The following AIM2 variants were observed in gnomAD, a reference collection of about 807,000 sequenced individuals.
AIM2 encodes interferon-inducible protein AIM2.
Under a neutral mutation model 27.7 loss-of-function variants are expected in AIM2, and 30 were observed. That is an observed-to-expected ratio of 1.08 (90% confidence interval 0.81 to 1.47). AIM2 has a LOEUF of 1.47. Ranked by LOEUF, AIM2 falls within the 40% of genes most tolerant of loss-of-function variation. AIM2 has a pLI of 0.00. For missense variants in AIM2, 358 were observed against 411.3 expected (o/e 0.87, Z 1.12); for synonymous variants, 141 against 145.3 (o/e 0.97, Z 0.21).
At chr1:159,062,224 A>G (rs540179368), downstream of AIM2, among the ~76,000 whole-genome samples, 1 of 152,154 alleles carries the variant, frequency 6.6e-6, no homozygotes. Flanking sequence ...TACCTTTTAA[A>G]ATATTTCTAA....
intron 1 of AIM2, among the ~76,000 whole-genome samples, chr1:159,120,793 G>C (rs573865617): frequency 6.6e-6 from 1 of 152,252 alleles, no homozygotes; most frequent in African/African-American, 2.4e-5. Context: ...TCTAGAGAAG[G>C]CTGAAGGAGT....
chr1:159,079,150 G>T (rs952053592), upstream of AIM2, among the ~76,000 whole-genome samples: 1 of 151,600 alleles, frequency 6.6e-6, no homozygotes, highest in African/African-American at 2.4e-5. Context: ...GGTAGAAGAA[G>T]AAATATATAT....
chr1:159,059,250 T>TAC (rs60746494), downstream of AIM2, among the ~76,000 whole-genome samples: 81 of 151,626 alleles, frequency 5.3e-4, 1 homozygote, highest in African/African-American at 8.7e-4. Flanking sequence ...GCTATTCTTA[T>TAC]ACACACACAC....
At chr1:159,077,538 G>C (rs1191098794), upstream of AIM2, among the ~76,000 whole-genome samples, 1 of 152,210 alleles carries the variant, frequency 6.6e-6, no homozygotes, top group Non-Finnish European at 1.5e-5. Flanking sequence ...ATTCTCATCT[G>C]TGCCTAAGTA....
At chr1:159,065,527 T>G (rs1242185010) in intron 4 of AIM2, among the ~76,000 whole-genome samples, 1 of 152,366 alleles carries the variant, frequency 6.6e-6, no homozygotes, top group East Asian at 1.9e-4. Context: ...TAATCTGGTT[T>G]ATTACTCAAC....
intron 1 of AIM2, among the ~76,000 whole-genome samples, chr1:159,124,983 T>A (rs1647648896): frequency 6.6e-6 from 1 of 152,170 alleles, no homozygotes; most frequent in Admixed American, 6.5e-5. Flanking sequence ...TGCTTTTGAC[T>A]CCCCTGTTAG....
In AIM2 at chr1:159,103,391, T is replaced by TC. The variant is rs397738579; in HGVS notation, c.-16+37039dup. ...TTTTCACAATTCCCACTTTTTTTTTTCCTGCATCTACTATGTTGGTATGGG... is the reference window on the plus strand; with the variant it reads ...TTTTCACAATTCCCACTTTTTTTTTTCCCTGCATCTACTATGTTGGTATGGG... On this transcript the variant is annotated intron_variant, in intron 1 of 2. Transcript: ENST00000368129. Among the ~76,000 whole-genome samples, 6 of 151,814 alleles carry TC rather than the reference T, an allele frequency of 4.0e-5. No homozygotes were observed. The South Asian group carries it at 8.4e-4, about 21-fold the overall frequency.
chr1:159,069,391 T>A (rs1247504756), intron 2 of AIM2, among the ~76,000 whole-genome samples: 1 of 152,146 alleles, frequency 6.6e-6, no homozygotes, highest in Non-Finnish European at 1.5e-5. Flanking sequence ...CATAATGGCC[T>A]CCAATGACTA....
chr1:159,144,446 A>G (rs182034872), upstream of AIM2, among the ~76,000 whole-genome samples: 25 of 152,316 alleles, frequency 1.6e-4, no homozygotes, highest in Admixed American at 9.2e-4. Context: ...ATGTCTTTAA[A>G]CTAGGTTTTA....
intron 2 of AIM2, among the ~76,000 whole-genome samples, chr1:159,072,973 C>T (rs1258501426): frequency 6.6e-6 from 1 of 152,064 alleles, no homozygotes; most frequent in Admixed American, 6.5e-5. Flanking sequence ...CAAAGATGGG[C>T]AAGGAGAAAA....
rs562868419 is a variant in AIM2 at position 159,111,884 on chromosome 1, A to G, written c.-16+28547T>C. 4.6e-4 allele frequency among the ~76,000 whole-genome samples: 68 copies of G among 149,064 alleles called. 1 individual carries two copies. Among genetic ancestry groups the G allele is most frequent in the African/African-American group, 1.6e-3 (66 of 40,118 alleles). The stretch of plus-strand genomic sequence containing the variant: ...TATCTATCTATCTATCTATCTATCT[A>G]TACATATATTAGCCGAGCATGGTGG... On this transcript the variant is annotated intron_variant, in intron 1 of 2. Coordinates refer to the AIM2 transcript ENST00000368129.
chr1:159,145,796 TC>T (rs1648190800), intron 1 of AIM2, among the ~76,000 whole-genome samples: 1 of 152,066 alleles, frequency 6.6e-6, no homozygotes, highest in Non-Finnish European at 1.5e-5. Context: ...TCTGACAGAT[TC>T]TCCAGGAAGC....
chr1:159,146,102 C>T (rs1489221425), intron 1 of AIM2, among the ~76,000 whole-genome samples: 1 of 150,028 alleles, frequency 6.7e-6, no homozygotes, highest in Non-Finnish European at 1.5e-5. Context: ...GAGACACTGT[C>T]CCCTCAAAAA....
At chr1:159,129,074 C>G (rs1180224447) in intron 1 of AIM2, among the ~76,000 whole-genome samples, 1 of 152,158 alleles carries the variant, frequency 6.6e-6, no homozygotes, top group East Asian at 1.9e-4. Flanking sequence ...ATGTAAGGAT[C>G]TTGAGATGAG....
chr1:159,088,311 A>G (rs1162719128), intron 1 of AIM2, among the ~76,000 whole-genome samples: 2 of 152,166 alleles, frequency 1.3e-5, no homozygotes, highest in Non-Finnish European at 2.9e-5. Context: ...CAATAAAAGA[A>G]CATGCCTTAG....
the AIM2 span, among the ~76,000 whole-genome samples, chr1:159,057,294 G>A: frequency 6.6e-6 from 1 of 152,208 alleles, no homozygotes; most frequent in African/African-American, 2.4e-5. Flanking sequence ...AATGTGTCTT[G>A]AAGGATGTTG....
At chr1:159,093,611 C>A (rs929786994) in intron 1 of AIM2, among the ~76,000 whole-genome samples, 8 of 151,976 alleles carry the variant, frequency 5.3e-5, no homozygotes, top group Middle Eastern at 3.4e-3. Context: ...TACATTACAG[C>A]TGTGAAAATG....
chr1:159,095,027 C>G (rs766936472), intron 1 of AIM2, among the ~76,000 whole-genome samples: 9 of 151,974 alleles, frequency 5.9e-5, no homozygotes, highest in Non-Finnish European at 1.0e-4. Flanking sequence ...AAAAAAAATC[C>G]AGAAAATGTA....
At chr1:159,055,838 GT>G in the AIM2 span, among the ~76,000 whole-genome samples, 1 of 152,196 alleles carries the variant, frequency 6.6e-6, no homozygotes. Context: ...GTTCTAGAAG[GT>G]TGATTGTTTT....
Sources: gnomAD v4.1 joint callset for allele counts (sites outside exome capture counted in the v4.1 genomes callset) on GRCh38, gnomAD v4.1.1 for gene constraint, MANE v1.5 for transcripts, NCBI Gene and HGNC (gene_info 2026-07-23, HGNC 2026-07-21) for gene names.